ETNK2: variants seen among roughly 807,000 people sequenced by gnomAD.
ETNK2 encodes the protein ethanolamine kinase 2, also known as ethanolamine kinase-like protein.
A neutral mutation model predicts 46.2 loss-of-function variants in ETNK2; 33 were observed. The ratio of observed to expected loss-of-function variants is 0.71; its 90% CI spans 0.54 to 0.96. The LOEUF (loss-of-function observed/expected upper bound fraction) is 0.96. Ranked by LOEUF, ETNK2 falls within the 40% of genes least tolerant of loss-of-function variation. ETNK2 has a pLI of 0.00. For synonymous variants in ETNK2, 194 were observed against 209.0 expected, an observed-to-expected ratio of 0.93 and a Z score of 0.62; for missense variants, 445 against 509.7, an observed-to-expected ratio of 0.87 and a Z score of 1.22.
chr1:204,139,342 G>T (rs1429694314), intron 5 of ETNK2, among the ~76,000 whole-genome samples: 1 of 152,204 alleles, frequency 6.6e-6, no homozygotes, highest in South Asian at 2.1e-4. Flanking sequence ...ATCCTGTGCT[G>T]TGCTAGCCAA....
At chr1:204,150,951 T>C (rs1315295022) in intron 1 of ETNK2, 6 of 152,738 alleles carry the variant, frequency 3.9e-5, no homozygotes, top group Admixed American at 6.5e-5. Context: ...CTGGAGGTAG[T>C]CAGCTGGGGA....
At chr1:204,141,163 C>T in intron 4 of ETNK2, 152 bp downstream of exon 4, 10 of 953,622 alleles carry the variant, frequency 1.0e-5, no homozygotes, top group Non-Finnish European at 1.7e-5. Context: ...TTTTTTATTT[C>T]CTTTCCCCCT....
chr1:204,146,793 A>G (rs1657803323), intron 2 of ETNK2, 29 bp from the exon 3 acceptor site: 1 of 1,613,688 alleles, frequency 6.2e-7, no homozygotes, highest in South Asian at 1.1e-5. Context: ...AGAGTAGAGC[A>G]TCAGTGCTGG....
At chr1:204,136,713 C>CA (rs1345415026) in intron 6 of ETNK2, among the ~76,000 whole-genome samples, 1,549 of 79,960 alleles carry the variant, frequency 0.019, 22 homozygotes, top group African/African-American at 0.057. Context: ...GACTCTGCCT[C>CA]AAAAAAAAAA....
In ETNK2 at chr1:204,151,895, C is replaced by A. The variant is rs1330491270; in HGVS notation, c.-43G>T. The stretch of plus-strand genomic sequence containing the variant: ...CCTCGGAGCCGCGGCAGACGCTAGC[C>A]CCGGCGGGGGGGTCCGGCGAGGGAG... On this transcript the variant is annotated 5_prime_UTR_variant, in exon 1 of 8. Coordinates refer to ENST00000367202, the MANE Select transcript of ETNK2 (RefSeq NM_018208.4). This position sits in a 1 kb window ranked among gnomAD's most constrained non-coding sequence, Gnocchi z 8.0. The A allele has an allele frequency of 4.3e-6, 6 of 1,407,804 alleles. No individual in the cohort carries two copies. The highest frequency in any genetic ancestry group is 5.5e-6 in the Non-Finnish European group (6 of 1,087,602). The allele number at this position is 1,407,804 out of a possible 1,614,324, so 87.2% of individuals were successfully genotyped here.
intron 3 of ETNK2, 26 bp from the exon 4 acceptor site, chr1:204,141,483 A>G: frequency 1.3e-6 from 2 of 1,556,626 alleles, no homozygotes; most frequent in Non-Finnish European, 1.7e-6. Context: ...AAAGGTAGCC[A>G]GTGAAAGGAG....
At chr1:204,141,055 G>T (rs1657504980) in intron 4 of ETNK2, 2 of 531,682 alleles carry the variant, frequency 3.8e-6, no homozygotes, top group Non-Finnish European at 7.0e-6. Context: ...TGAATTCCTG[G>T]GCTTAAGCAA....
At position 204,139,238 on chromosome 1, in the gene ETNK2, T is replaced by C. The variant is rs182675561; in HGVS notation, c.868+797A>G. Reference sequence around the variant, plus strand: ...AGGCAAACAGCTACTTGTAGCTTGTTCTGCTCCTTATCTACATGTAAGGCC... The same window carrying C: ...AGGCAAACAGCTACTTGTAGCTTGTCCTGCTCCTTATCTACATGTAAGGCC... On this transcript the variant is annotated intron_variant, in intron 5 of 7. Transcript: ENST00000367202. 3.9e-3 allele frequency among the ~76,000 whole-genome samples: 591 copies of C among 152,364 alleles called. 5 individuals carry two copies. Among genetic ancestry groups the C allele is most frequent in the Admixed American group, 0.01 (155 of 15,300 alleles).
chr1:204,146,862 G>C, intron 2 of ETNK2, 98 bp from the exon 3 acceptor site: 1 of 1,514,028 alleles, frequency 6.6e-7, no homozygotes, highest in Non-Finnish European at 9.1e-7. Flanking sequence ...AGGCCCACCA[G>C]GGCACTTGCC....
In ETNK2 at chr1:204,149,591, T is replaced by G. The variant is rs1053930428; in HGVS notation, c.518+112A>C. ...TATAAACATGCATTTTTCATGCAAT[T>G]TCAGGGAACTCACAGATCTTACAAC... On this transcript the variant is annotated intron_variant, in intron 2 of 7. Coordinates refer to ENST00000367202, the MANE Select transcript of ETNK2 (RefSeq NM_018208.4). 1.1e-4 allele frequency: 151 copies of G among 1,334,554 alleles called. No homozygotes were observed. In the Admixed American group the frequency reaches 1.6e-3, roughly 14 times the overall value. The allele number at this position is 1,334,554 out of a possible 1,614,324, so 82.7% of individuals were successfully genotyped here.
chr1:204,131,270 C>T lies in ETNK2; in HGVS notation c.*914G>A, dbSNP rs1657058696. On this transcript the variant is annotated 3_prime_UTR_variant, in exon 8 of 8. Coordinates refer to ENST00000367202, the MANE Select transcript of ETNK2 (RefSeq NM_018208.4). This position sits in a 1 kb window ranked among gnomAD's most constrained non-coding sequence, Gnocchi z 4.3. ...ACGATAGGCCCTGGGGGGCCCTGGC[C>T]CCCACCCCATCCTCTTGGCTCCCTC... 1 of 152,484 alleles carries T rather than the reference C, an allele frequency of 6.6e-6. No homozygotes were observed. Among genetic ancestry groups the T allele is most frequent in the South Asian group, 2.1e-4 (1 of 4,830 alleles). 9.4% of individuals were successfully genotyped at this position (152,484 alleles called of 1,614,324 possible).
chr1:204,147,238 G>C (rs373384532), intron 2 of ETNK2, among the ~76,000 whole-genome samples: 2 of 152,196 alleles, frequency 1.3e-5, no homozygotes, highest in Admixed American at 6.5e-5. Context: ...AGAAATGCCC[G>C]CCTCTTATCA....
chr1:204,133,534 A>T (rs548804964), intron 7 of ETNK2, among the ~76,000 whole-genome samples: 2,075 of 130,918 alleles, frequency 0.016, 72 homozygotes, highest in African/African-American at 0.056. Flanking sequence ...ATTTTATTTT[A>T]TTTTTTTTTT....
At chr1:204,141,629 G>A (rs1364441780) in intron 3 of ETNK2, 172 bp from the exon 4 acceptor site, 2 of 678,738 alleles carry the variant, frequency 2.9e-6, no homozygotes, top group Non-Finnish European at 4.9e-6. Context: ...ATGGCACTGA[G>A]GCGTCCTGTC....
Position 204,151,393 on chromosome 1 carries a change from C to G in ETNK2, c.258+202G>C, listed in dbSNP as rs1298054999. ...CCTAAGAGCCCCGGGAGGAGGGGGGCGTGTGCAGGGCCAAGGGAGGTGTGA... is the reference window on the plus strand; with the variant it reads ...CCTAAGAGCCCCGGGAGGAGGGGGGGGTGTGCAGGGCCAAGGGAGGTGTGA... On this transcript the variant is annotated intron_variant, in intron 1 of 7. Coordinates refer to ENST00000367202, the MANE Select transcript of ETNK2 (RefSeq NM_018208.4). The surrounding 1 kb of genome is among the most constrained non-coding windows in gnomAD (Gnocchi z 8.0). 2.8e-6 allele frequency: 2 copies of G among 714,472 alleles called. No homozygotes were observed. Among genetic ancestry groups the G allele is most frequent in the African/African-American group, 1.9e-5 (1 of 52,614 alleles). 44.3% of individuals were successfully genotyped at this position (714,472 alleles called of 1,614,324 possible).
In ETNK2 at chr1:204,151,474, T is replaced by C. The variant is rs1658002629; in HGVS notation, c.258+121A>G. The C allele has an allele frequency of 7.2e-7, 1 of 1,390,518 alleles. No individual in the cohort carries two copies. Among genetic ancestry groups the C allele is most frequent in the African/African-American group, 1.5e-5 (1 of 67,128 alleles). The allele number at this position is 1,390,518 out of a possible 1,614,324, so 86.1% of individuals were successfully genotyped here. On this transcript the variant is annotated intron_variant, in intron 1 of 7. Coordinates refer to ENST00000367202, the MANE Select transcript of ETNK2 (RefSeq NM_018208.4). This position sits in a 1 kb window ranked among gnomAD's most constrained non-coding sequence, Gnocchi z 8.0. ...GTACACAAACCACGTTCCAAACCTT[T>C]CTTGCGCAGCAGCCGCGCACCCCTG...
chr1:204,148,682 A>G (rs4951310), intron 2 of ETNK2, among the ~76,000 whole-genome samples: 139,470 of 152,168 alleles, frequency 0.92, 63,997 homozygotes, highest in East Asian at 0.95. Flanking sequence ...AGAGCTCTCA[A>G]ATCCTCTTCT....
rs1196228888 is a variant in ETNK2, at chr1:204,133,017, G to A, written c.1089-761C>T. On this transcript the variant is annotated intron_variant, in intron 7 of 7. Transcript: ENST00000367202. ...AGTTATCTCTTAAAGAACCATATTTGTCTTTTTGTGACTGGCTTATTTAGC... is the reference window on the plus strand; with the variant it reads ...AGTTATCTCTTAAAGAACCATATTTATCTTTTTGTGACTGGCTTATTTAGC... Among the ~76,000 whole-genome samples the A allele has an allele frequency of 2.0e-5, 3 of 151,980 alleles. 1 individual carries two copies. Among genetic ancestry groups the A allele is most frequent in the South Asian group, 4.1e-4 (2 of 4,828 alleles).
intron 2 of ETNK2, among the ~76,000 whole-genome samples, chr1:204,148,284 A>G (rs1571633730): frequency 6.6e-6 from 1 of 152,058 alleles, no homozygotes; most frequent in African/African-American, 2.4e-5. Context: ...ACCTAAATCC[A>G]CCTTCAATCT....
Sources: gnomAD v4.1 joint callset for allele counts (sites outside exome capture counted in the v4.1 genomes callset) on GRCh38, gnomAD v4.1.1 for gene constraint, Gnocchi (gnomAD v3.1) non-coding constraint, MANE v1.5 for transcripts, NCBI Gene and HGNC (gene_info 2026-07-23, HGNC 2026-07-21) for gene names.